The following PITPNB variants were observed in gnomAD, a reference collection of about 807,000 sequenced individuals.
PITPNB encodes phosphatidylinositol transfer protein beta.
In PITPNB, 16 loss-of-function variants were observed where a neutral mutation model predicts 45.9. That is an observed-to-expected ratio of 0.35 (90% CI 0.24 to 0.53). The LOEUF (loss-of-function observed/expected upper bound fraction) is 0.53. PITPNB is among the 20% of genes least tolerant of loss of function. PITPNB has a pLI of 0.93. For synonymous variants in PITPNB, 112 were observed against 108.9 expected (o/e 1.03, Z -0.18); for missense variants, 188 against 330.5 (o/e 0.57, Z 3.34).
At chr22:27,890,801 G>C (rs374291019) in intron 7 of PITPNB, among the ~76,000 whole-genome samples, 1 of 152,170 alleles carries the variant, frequency 6.6e-6, no homozygotes, top group African/African-American at 2.4e-5. Flanking sequence ...GCGACAGAGC[G>C]AGACTCTGTC....
Position 27,910,542 on chromosome 22 carries a change from A to C in PITPNB, c.197+422T>G, listed in dbSNP as rs191254586. On this transcript the variant is annotated intron_variant, in intron 3 of 11. Transcript: ENST00000335272. ...AAGAATCACACAGATATTAAATAAC[A>C]ATATGGAAGATGTTCATCAGAAATA... The C allele has an allele frequency of 4.1e-3, 641 of 158,214 alleles. 9 individuals carry two copies. Among genetic ancestry groups the C allele is most frequent in the African/African-American group, 0.015 (600 of 41,100 alleles). The allele number at this position is 158,214 out of a possible 1,614,324, so 9.8% of individuals were successfully genotyped here.
chr22:27,915,084 CTT>C (rs1465860864), intron 1 of PITPNB, among the ~76,000 whole-genome samples: 1 of 152,156 alleles, frequency 6.6e-6, no homozygotes, highest in African/African-American at 2.4e-5. Flanking sequence ...AATATTGCAT[CTT>C]ATCTCTAGAT....
chr22:27,913,097 T>A (rs1601432344), intron 2 of PITPNB, among the ~76,000 whole-genome samples: 1 of 151,794 alleles, frequency 6.6e-6, no homozygotes, highest in East Asian at 1.9e-4. Flanking sequence ...TTCAACCAGC[T>A]GAAATCAAAA....
At chr22:27,918,035 T>C (rs1936134980) in intron 1 of PITPNB, among the ~76,000 whole-genome samples, 2 of 151,872 alleles carry the variant, frequency 1.3e-5, no homozygotes, top group Admixed American at 6.6e-5. Context: ...TATTCTAGAG[T>C]AGCAGAGGAA....
chr22:27,900,437 A>T, intron 3 of PITPNB, among the ~76,000 whole-genome samples: 1 of 152,180 alleles, frequency 6.6e-6, no homozygotes, highest in Non-Finnish European at 1.5e-5. Context: ...ATATTTCTTT[A>T]TCTCGCTCCC....
chr22:27,888,210 A>G (rs184891924), intron 7 of PITPNB, among the ~76,000 whole-genome samples: 42 of 152,350 alleles, frequency 2.8e-4, no homozygotes, highest in African/African-American at 1.0e-3. Flanking sequence ...CTCCCTTTTA[A>G]TGATTGCACT....
chr22:27,907,390 A>G (rs1420720557), intron 3 of PITPNB, among the ~76,000 whole-genome samples: 1 of 152,136 alleles, frequency 6.6e-6, no homozygotes, highest in Non-Finnish European at 1.5e-5. Flanking sequence ...TGTGCTTTCA[A>G]TGTTGACACT....
Position 27,919,235 on chromosome 22 carries a change from C to G in PITPNB, c.-44G>C. ...CAGCTGCCGCCGATACCACCGCCGC[C>G]GCCGCCGCTACCGCCTCTCACAGCG... is the stretch of plus-strand genomic sequence containing the variant. On this transcript the variant is annotated 5_prime_UTR_variant, in exon 1 of 12. Coordinates refer to ENST00000335272, the MANE Select transcript of PITPNB (RefSeq NM_012399.5). 1 of 1,553,754 alleles carries G rather than the reference C, an allele frequency of 6.4e-7. No homozygotes were observed. The highest frequency in any genetic ancestry group is 2.2e-5 in the East Asian group (1 of 44,574).
intron 1 of PITPNB, among the ~76,000 whole-genome samples, chr22:27,916,261 C>T (rs1936071766): frequency 6.6e-6 from 1 of 152,110 alleles, no homozygotes; most frequent in African/African-American, 2.4e-5. Context: ...ATTTGCTTAA[C>T]AAGTAAAAGG....
chr22:27,912,960 G>A (rs1389801847), intron 2 of PITPNB, among the ~76,000 whole-genome samples: 3 of 141,904 alleles, frequency 2.1e-5, no homozygotes, highest in Admixed American at 7.4e-5. Context: ...TCCAGCCTGG[G>A]CGATAGAGCA....
intron 10 of PITPNB, among the ~76,000 whole-genome samples, chr22:27,856,598 T>C (rs1410750107): frequency 6.6e-6 from 1 of 152,206 alleles, no homozygotes; most frequent in Non-Finnish European, 1.5e-5. Flanking sequence ...ACCTGGTCAA[T>C]GGTAACTACT....
chr22:27,875,762 G>T (rs759188165), intron 7 of PITPNB, among the ~76,000 whole-genome samples: 3 of 152,160 alleles, frequency 2.0e-5, no homozygotes, highest in African/African-American at 4.8e-5. Context: ...GACGTTATTA[G>T]TAAGAGGTAA....
chr22:27,893,622 C>T (rs936305831), intron 7 of PITPNB, among the ~76,000 whole-genome samples: 2 of 138,894 alleles, frequency 1.4e-5, no homozygotes, highest in Non-Finnish European at 3.0e-5. Flanking sequence ...TAGGATCTCG[C>T]TCTGTCACCC....
chr22:27,860,007 T>C (rs1323154686), intron 9 of PITPNB, 124 bp downstream of exon 9: 2 of 618,934 alleles, frequency 3.2e-6, no homozygotes, highest in Non-Finnish European at 5.8e-6. Flanking sequence ...AAATGAATTA[T>C]GTAGGGACAA....
In PITPNB at chr22:27,851,914, C is replaced by CAAA; in HGVS notation, c.*1787_*1788insTTT. On this transcript the variant is annotated 3_prime_UTR_variant, in exon 12 of 12. Coordinates refer to ENST00000335272, the MANE Select transcript of PITPNB (RefSeq NM_012399.5). ...AGTTCATTAAAAGGAGAGGGCTAGACTCTTTATTTCACAAAATTAGCAATA... is the reference window on the plus strand; with the variant it reads ...AGTTCATTAAAAGGAGAGGGCTAGACAAATCTTTATTTCACAAAATTAGCAATA... The CAAA allele has an allele frequency of 6.6e-6, 1 of 152,296 alleles. No individual in the cohort carries two copies. The highest frequency in any genetic ancestry group is 1.9e-4 in the East Asian group (1 of 5,174). 9.4% of individuals were successfully genotyped at this position (152,296 alleles called of 1,614,324 possible). A position where few individuals can be genotyped will look rare whatever the true frequency, so the allele number is the denominator to read the frequency against.
intron 2 of PITPNB, among the ~76,000 whole-genome samples, chr22:27,914,024 G>C (rs1936008077): frequency 1.3e-5 from 2 of 152,222 alleles, no homozygotes; most frequent in Non-Finnish European, 2.9e-5. Flanking sequence ...AAGTACTTAA[G>C]TTGAGGCTGG....
At chr22:27,896,726 C>G in intron 5 of PITPNB, 100 bp from the exon 6 acceptor site, 1 of 731,548 alleles carries the variant, frequency 1.4e-6, no homozygotes, top group Non-Finnish European at 2.4e-6. Flanking sequence ...CATGCTTTGA[C>G]TCTACAAGGA....
Position 27,852,009 on chromosome 22 carries a change from CAGAG to C in PITPNB, c.*1689_*1692del, listed in dbSNP as rs1266662690. 1 of 152,178 alleles carries C rather than the reference CAGAG, an allele frequency of 6.6e-6. No homozygotes were observed. Among genetic ancestry groups the C allele is most frequent in the Non-Finnish European group, 1.5e-5 (1 of 68,048 alleles). 9.4% of individuals were successfully genotyped at this position (152,178 alleles called of 1,614,324 possible). On this transcript the variant is annotated 3_prime_UTR_variant, in exon 12 of 12. Transcript: ENST00000335272. ...ACAAAACCTATCTTACAACAGTGCC[CAGAG>C]AGTAAACATCAGTCTTTATCCTGAG...
At chr22:27,873,938 T>C in intron 7 of PITPNB, 123 bp from the exon 8 acceptor site, 1 of 654,932 alleles carries the variant, frequency 1.5e-6, no homozygotes, top group Non-Finnish European at 2.7e-6. Context: ...CACTGTGCTT[T>C]TGCGTAAAAG....
Sources: allele counts gnomAD v4.1 joint callset (sites outside exome capture counted in the v4.1 genomes callset), GRCh38; gene constraint gnomAD v4.1.1; transcripts MANE v1.5; gene names NCBI Gene and HGNC (gene_info 2026-07-23, HGNC 2026-07-21).